Variants in ALDH1A2 observed in about 807,000 individuals in gnomAD.
The protein encoded by ALDH1A2 is retinal dehydrogenase 2.
ALDH1A2 carries 27 observed loss-of-function variants against 60.3 expected under a neutral mutation model. The observed-to-expected ratio is 0.45, with a 90% confidence interval of 0.33 to 0.62. The LOEUF (loss-of-function observed/expected upper bound fraction) is 0.62, where lower values mean the gene tolerates loss of function less well. ALDH1A2 is among the 20% of genes least tolerant of loss of function. The pLI, the probability that ALDH1A2 is intolerant of heterozygous loss-of-function variation, is 0.02. For synonymous variants in ALDH1A2, 289 were observed against 232.4 expected (o/e 1.24, Z -2.21); for missense variants, 581 against 643.8 (o/e 0.90, Z 1.06).
intron 1 of ALDH1A2, among the ~76,000 whole-genome samples, chr15:58,060,994 A>G (rs1465163445): frequency 6.6e-6 from 1 of 152,198 alleles, no homozygotes; most frequent in Non-Finnish European, 1.5e-5. Flanking sequence ...GCCTTTCTTA[A>G]GCCTGGCTAT....
rs1484405652 is a variant in ALDH1A2, at chr15:57,954,929, C to G, written c.*268G>C. The G allele has an allele frequency of 7.3e-6, 4 of 547,708 alleles. No homozygotes were observed. The highest frequency in any genetic ancestry group is 1.3e-5 in the Non-Finnish European group (4 of 304,170). The allele number at this position is 547,708 out of a possible 1,614,324, so 33.9% of individuals were successfully genotyped here. On this transcript the variant is annotated 3_prime_UTR_variant, in exon 13 of 13. Coordinates refer to ENST00000249750, the MANE Select transcript of ALDH1A2 (RefSeq NM_003888.4). ...TCATCCTGTGCTCCAGAAGGAGATACTGGATGTGTCTGCTAGCTCCTCCTC... is the reference window on the plus strand; with the variant it reads ...TCATCCTGTGCTCCAGAAGGAGATAGTGGATGTGTCTGCTAGCTCCTCCTC...
chr15:58,063,678 G>A lies in ALDH1A2; in HGVS notation c.117+1856C>T, dbSNP rs192136101. Among the ~76,000 whole-genome samples the A allele has an allele frequency of 1.6e-3, 246 of 152,304 alleles. 1 individual carries two copies. Among genetic ancestry groups the A allele is most frequent in the Admixed American group, 0.01 (160 of 15,306 alleles). ...CTGATTTTACAAGTTTTTGTGGAAA[G>A]AGCTCGCCTTTAGATTAGTGTTACT... On this transcript the variant is annotated intron_variant, in intron 1 of 12. Transcript: ENST00000249750.
chr15:58,024,677 C>G (rs926085715), intron 1 of ALDH1A2, among the ~76,000 whole-genome samples: 1 of 152,146 alleles, frequency 6.6e-6, no homozygotes, highest in Admixed American at 6.5e-5. Context: ...CCAAAAAGCA[C>G]TGGATTTAAA....
intron 7 of ALDH1A2, among the ~76,000 whole-genome samples, chr15:57,984,600 TAC>T (rs1446489161): frequency 6.6e-6 from 1 of 152,240 alleles, no homozygotes; most frequent in African/African-American, 2.4e-5. Context: ...GGATATTTCA[TAC>T]AGTCACATGA....
intron 7 of ALDH1A2, among the ~76,000 whole-genome samples, chr15:57,979,166 G>T (rs1413904704): frequency 1.3e-5 from 2 of 152,128 alleles, no homozygotes; most frequent in East Asian, 1.9e-4. Flanking sequence ...TGGCCTGAGG[G>T]TCCTAGGGAA....
At chr15:58,062,712 C>T (rs940589218) in intron 1 of ALDH1A2, among the ~76,000 whole-genome samples, 5 of 152,106 alleles carry the variant, frequency 3.3e-5, no homozygotes, top group Admixed American at 6.5e-5. Flanking sequence ...AAGCACATTC[C>T]TTCATAAGGG....
intron 7 of ALDH1A2, among the ~76,000 whole-genome samples, chr15:57,968,313 G>T (rs1463443684): frequency 6.6e-6 from 1 of 152,144 alleles, no homozygotes; most frequent in Admixed American, 6.5e-5. Flanking sequence ...TACACAGTAG[G>T]TTTTATCTCA....
At chr15:57,982,311 TTTAAG>T (rs371413311) in intron 7 of ALDH1A2, among the ~76,000 whole-genome samples, 19 of 152,326 alleles carry the variant, frequency 1.2e-4, no homozygotes, top group African/African-American at 3.8e-4. Flanking sequence ...ATAATAGATG[TTTAAG>T]TTGTCTAGTT....
At chr15:58,045,576 G>A (rs1223182584) in intron 1 of ALDH1A2, among the ~76,000 whole-genome samples, 1 of 152,082 alleles carries the variant, frequency 6.6e-6, no homozygotes, top group Admixed American at 6.6e-5. Flanking sequence ...AAAAAAGGAT[G>A]AGTTCATGTC....
Position 58,010,615 on chromosome 15 carries a change from G to A in ALDH1A2, c.493+34C>T, listed in dbSNP as rs548336249. On this transcript the variant is annotated intron_variant, in intron 4 of 12. Transcript: ENST00000249750. The stretch of plus-strand genomic sequence containing the variant: ...CAAAGCGCATTTCTGGTGGTTTCAC[G>A]TTTTCCTTTTCAACGTACTCAGATT... The A allele has an allele frequency of 2.8e-5, 45 of 1,610,196 alleles. 1 individual carries two copies. Among genetic ancestry groups the A allele is most frequent in the South Asian group, 9.9e-5 (9 of 90,960 alleles).
intron 7 of ALDH1A2, among the ~76,000 whole-genome samples, chr15:57,976,560 C>T (rs1894265516): frequency 6.6e-6 from 1 of 152,134 alleles, no homozygotes; most frequent in Non-Finnish European, 1.5e-5. Flanking sequence ...TGATGGTTTC[C>T]AGCTTCATCC....
rs529725320 is a variant in ALDH1A2, at chr15:58,060,191, G to A, written c.117+5343C>T. On this transcript the variant is annotated intron_variant, in intron 1 of 12. Coordinates refer to ENST00000249750, the MANE Select transcript of ALDH1A2 (RefSeq NM_003888.4). ...CCGCCTCAGCCTCCCAAAGTGCTGGGATTACAGGTGTGAGCCACTGCGCCT... is the reference window on the plus strand; with the variant it reads ...CCGCCTCAGCCTCCCAAAGTGCTGGAATTACAGGTGTGAGCCACTGCGCCT... Among the ~76,000 whole-genome samples, 355 of 152,276 alleles carry A rather than the reference G, an allele frequency of 2.3e-3. 1 individual carries two copies. The highest frequency in any genetic ancestry group is 8.2e-3 in the African/African-American group (342 of 41,552).
chr15:57,991,237 CCTT>C, intron 7 of ALDH1A2, among the ~76,000 whole-genome samples: 2 of 152,076 alleles, frequency 1.3e-5, no homozygotes, highest in Admixed American at 1.3e-4. Context: ...TAGCATCTAG[CCTT>C]TAGCAAATAT....
Position 57,979,283 on chromosome 15 carries a change from G to GA in ALDH1A2, c.798+13421dup, listed in dbSNP as rs113289807. On this transcript the variant is annotated intron_variant, in intron 7 of 12. Coordinates refer to ENST00000249750, the MANE Select transcript of ALDH1A2 (RefSeq NM_003888.4). ...CCACTGTCCCCACCCCATTCCTCAG[G>GA]AAAAAAAAATGTATTTTTCTTTTGT... is the stretch of plus-strand genomic sequence containing the variant. Among the ~76,000 whole-genome samples the GA allele has an allele frequency of 9.2e-4, 138 of 150,734 alleles. 1 individual carries two copies. Among genetic ancestry groups the GA allele is most frequent in the South Asian group, 1.3e-3 (6 of 4,758 alleles).
At chr15:57,955,458 G>A (rs1456446978) in intron 12 of ALDH1A2, among the ~76,000 whole-genome samples, 189 bp from the exon 13 acceptor site, 1 of 149,966 alleles carries the variant, frequency 6.7e-6, no homozygotes. Flanking sequence ...CATCTCATGA[G>A]TAGTTTTTAA....
chr15:58,029,529 A>C (rs1896173848), intron 1 of ALDH1A2, among the ~76,000 whole-genome samples: 1 of 152,048 alleles, frequency 6.6e-6, no homozygotes, highest in Non-Finnish European at 1.5e-5. Flanking sequence ...GCAGAAGGCA[A>C]GAAATAACTA....
chr15:58,001,591 T>C (rs1291785187), intron 4 of ALDH1A2, among the ~76,000 whole-genome samples: 1 of 151,922 alleles, frequency 6.6e-6, no homozygotes, highest in Non-Finnish European at 1.5e-5. Flanking sequence ...TGATACATAA[T>C]GAGTACTCTT....
intron 7 of ALDH1A2, among the ~76,000 whole-genome samples, chr15:57,988,895 G>T (rs773225462): frequency 1.3e-5 from 2 of 152,076 alleles, no homozygotes; most frequent in Non-Finnish European, 2.9e-5. Context: ...TGTGCCGGGC[G>T]CAGTGGCTCA....
chr15:58,065,415 C>A (rs1057030303), intron 1 of ALDH1A2, 119 bp downstream of exon 1: 2 of 902,564 alleles, frequency 2.2e-6, no homozygotes, highest in Non-Finnish European at 1.9e-6. Context: ...GCCGGGATGA[C>A]AGGCTGGCCC....
Sources: allele counts gnomAD v4.1 joint callset (sites outside exome capture counted in the v4.1 genomes callset), GRCh38; gene constraint gnomAD v4.1.1; transcripts MANE v1.5; gene names NCBI Gene and HGNC (gene_info 2026-07-23, HGNC 2026-07-21).